The following MCTP1 variants were observed in gnomAD, a reference collection of about 807,000 sequenced individuals.
The protein encoded by MCTP1 is multiple C2 and transmembrane domain-containing protein 1.
Under a neutral mutation model 120.6 loss-of-function variants are expected in MCTP1, and 69 were observed. The observed-to-expected ratio is 0.57, with a 90% confidence interval of 0.47 to 0.70. The LOEUF is 0.70. MCTP1 is among the 30% of genes least tolerant of loss of function. MCTP1 has a pLI of 0.00. For synonymous variants in MCTP1, 529 were observed against 493.1 expected, an observed-to-expected ratio of 1.07 and a Z score of -0.96; for missense variants, 1,203 against 1,248.8, an observed-to-expected ratio of 0.96 and a Z score of 0.55.
At chr5:95,081,906 A>G in intron 1 of MCTP1, 1 of 820,348 alleles carries the variant, frequency 1.2e-6, no homozygotes, top group Non-Finnish European at 1.5e-6. Flanking sequence ...ACAACACTGC[A>G]CAAAGAAAAC....
At chr5:94,770,065 A>G (rs1281389647) in intron 19 of MCTP1, among the ~76,000 whole-genome samples, 1 of 152,214 alleles carries the variant, frequency 6.6e-6, no homozygotes, top group Non-Finnish European at 1.5e-5. Flanking sequence ...TGTCTTTAAA[A>G]TGGTGAAGAA....
chr5:94,798,862 G>A (rs1217888789), intron 18 of MCTP1, 151 bp downstream of exon 18: 1 of 662,466 alleles, frequency 1.5e-6, no homozygotes, highest in Non-Finnish European at 2.4e-6. Flanking sequence ...GGACCAAAGA[G>A]TTGTTAGTTT....
intron 1 of MCTP1, among the ~76,000 whole-genome samples, chr5:95,173,873 G>T (rs1747651595): frequency 1.5e-5 from 1 of 68,042 alleles, no homozygotes; most frequent in East Asian, 2.3e-4. Flanking sequence ...AGAGAGATAA[G>T]AAACAAATCA....
chr5:94,803,124 T>C (rs998525463), intron 17 of MCTP1, among the ~76,000 whole-genome samples: 3 of 152,236 alleles, frequency 2.0e-5, no homozygotes, highest in Admixed American at 6.5e-5. Flanking sequence ...ATGTTAGTTA[T>C]CCATGTTCAT....
chr5:95,144,635 T>C (rs2152446289), intron 1 of MCTP1, among the ~76,000 whole-genome samples: 1 of 152,342 alleles, frequency 6.6e-6, no homozygotes, highest in East Asian at 1.9e-4. Flanking sequence ...ACTAACCAGT[T>C]ATCCCAACGC....
intron 1 of MCTP1, among the ~76,000 whole-genome samples, chr5:95,166,968 C>T (rs1445477303): frequency 7.0e-6 from 1 of 142,992 alleles, no homozygotes; most frequent in African/African-American, 2.6e-5. Context: ...GCACAATGTG[C>T]AGGTTTGTTA....
intron 1 of MCTP1, among the ~76,000 whole-genome samples, chr5:95,023,054 C>T (rs935491125): frequency 1.3e-5 from 2 of 152,056 alleles, no homozygotes; most frequent in Non-Finnish European, 2.9e-5. Context: ...TCAAAAAGCG[C>T]ATCACTAGAT....
chr5:95,093,569 G>A (rs1756007897), intron 1 of MCTP1, among the ~76,000 whole-genome samples: 1 of 152,102 alleles, frequency 6.6e-6, no homozygotes, highest in African/African-American at 2.4e-5. Context: ...TATGTTTCAA[G>A]CAGATGTTTA....
chr5:94,941,054 CTCTTT>C (rs1817596188), intron 4 of MCTP1, among the ~76,000 whole-genome samples: 1 of 151,926 alleles, frequency 6.6e-6, no homozygotes, highest in South Asian at 2.1e-4. Context: ...TATAAATAAT[CTCTTT>C]TAATTTTTGA....
Position 94,760,867 on chromosome 5 carries a change from T to C in MCTP1, c.2610+18243A>G, listed in dbSNP as rs371541233. ...GCCAGGCTAATTTTTATATTTTTCA[T>C]AGAGACAGGGTCCCACTATGTCACC... On this transcript the variant is annotated intron_variant, in intron 19 of 22. Coordinates refer to ENST00000515393, the MANE Select transcript of MCTP1 (RefSeq NM_024717.7). 6.6e-5 allele frequency among the ~76,000 whole-genome samples: 10 copies of C among 152,112 alleles called. No individual in the cohort carries two copies. In the East Asian group the frequency reaches 7.7e-4, roughly 12 times the overall value.
chr5:94,818,425 C>T lies in MCTP1; in HGVS notation c.2437-19293G>A, dbSNP rs188867092. Among the ~76,000 whole-genome samples the T allele has an allele frequency of 2.5e-3, 388 of 152,204 alleles. 2 individuals are homozygous for T. The highest frequency in any genetic ancestry group is 4.2e-3 in the Non-Finnish European group (283 of 68,002). On this transcript the variant is annotated intron_variant, in intron 17 of 22. Transcript: ENST00000515393. Reference sequence around the variant, plus strand: ...CTGGAATCTGCATTTTTAGTTATTCCCTGAGTGTTTCAGGTGATCAGCTAA... The same window carrying T: ...CTGGAATCTGCATTTTTAGTTATTCTCTGAGTGTTTCAGGTGATCAGCTAA...
At chr5:95,103,695 T>C (rs1001262370) in intron 1 of MCTP1, among the ~76,000 whole-genome samples, 5 of 152,204 alleles carry the variant, frequency 3.3e-5, no homozygotes, top group Non-Finnish European at 5.9e-5. Context: ...CGAGTGCCTT[T>C]CGATCAGCAT....
At chr5:95,076,565 A>G (rs768680257) in intron 1 of MCTP1, among the ~76,000 whole-genome samples, 14 of 152,280 alleles carry the variant, frequency 9.2e-5, no homozygotes, top group Non-Finnish European at 1.8e-4. Flanking sequence ...GACTGCAGTT[A>G]CATGGAGTTA....
rs1821393861 is a variant in MCTP1, at chr5:94,953,872, AATATATATGC to A, written c.839-521_839-512del. ...AACTATATATATGCATATATATACA[AATATATATGC>A]ATATATATACAAATATATATATGCA... On this transcript the variant is annotated intron_variant, in intron 2 of 22. Transcript: ENST00000515393. Among the ~76,000 whole-genome samples the A allele has an allele frequency of 3.4e-5, 3 of 88,144 alleles. 1 individual carries two copies. The highest frequency in any genetic ancestry group is 7.6e-5 in the Non-Finnish European group (3 of 39,432). The allele number at this position is 88,144 out of a possible 152,430, so 57.8% of individuals were successfully genotyped here. A position where few individuals can be genotyped will look rare whatever the true frequency, so the allele number is the denominator to read the frequency against.
intron 17 of MCTP1, among the ~76,000 whole-genome samples, chr5:94,834,584 C>T (rs907686151): frequency 6.6e-6 from 1 of 151,844 alleles, no homozygotes; most frequent in South Asian, 2.1e-4. Flanking sequence ...AATTTTCAGA[C>T]GAGGAGGAAA....
intron 1 of MCTP1, among the ~76,000 whole-genome samples, chr5:95,088,685 AC>A (rs1156889451): frequency 1.3e-5 from 2 of 152,234 alleles, no homozygotes; most frequent in African/African-American, 4.8e-5. Flanking sequence ...TTTACACCAA[AC>A]ATGCATTTTG....
intron 1 of MCTP1, among the ~76,000 whole-genome samples, chr5:95,131,545 T>C (rs1759044862): frequency 6.6e-6 from 1 of 152,234 alleles, no homozygotes; most frequent in Non-Finnish European, 1.5e-5. Context: ...TTTATGATAT[T>C]AGGTGCATAA....
rs74937113 is a variant in MCTP1 at position 94,918,751 on chromosome 5, G to C, written c.1273-778C>G. ...ACATCAACAGAGAAGACTGGATTAGGGCAGTCAGAAAGGTGGGTTAAATCA... is the reference window on the plus strand; with the variant it reads ...ACATCAACAGAGAAGACTGGATTAGCGCAGTCAGAAAGGTGGGTTAAATCA... On this transcript the variant is annotated intron_variant, in intron 7 of 22. Coordinates refer to ENST00000515393, the MANE Select transcript of MCTP1 (RefSeq NM_024717.7). 4.3e-3 allele frequency among the ~76,000 whole-genome samples: 650 copies of C among 152,296 alleles called. 4 individuals carry two copies. Among genetic ancestry groups the C allele is most frequent in the African/African-American group, 0.015 (630 of 41,564 alleles).
At chr5:94,857,251 G>A (rs531357384) in intron 17 of MCTP1, among the ~76,000 whole-genome samples, 5 of 151,844 alleles carry the variant, frequency 3.3e-5, no homozygotes, top group African/African-American at 4.8e-5. Flanking sequence ...GCATGAAAAC[G>A]AGGGAAGTCC....
Sources: gnomAD v4.1 joint callset for allele counts (sites outside exome capture counted in the v4.1 genomes callset) on GRCh38, gnomAD v4.1.1 for gene constraint, MANE v1.5 for transcripts, NCBI Gene and HGNC (gene_info 2026-07-23, HGNC 2026-07-21) for gene names.